The following MYO1E variants were observed in gnomAD, a reference collection of about 807,000 sequenced individuals.
The protein encoded by MYO1E is myosin IE.
Under a neutral mutation model 151.1 loss-of-function variants are expected in MYO1E, and 68 were observed. The observed-to-expected ratio is 0.45, with a 90% confidence interval of 0.37 to 0.55. The LOEUF is 0.55. Ranked by LOEUF, MYO1E falls within the 20% of genes least tolerant of loss-of-function variation. The pLI is 0.00. For missense variants in MYO1E, 1,363 were observed against 1,389.3 expected (o/e 0.98, Z 0.30); for synonymous variants, 601 against 501.7 (o/e 1.20, Z -2.64).
rs554737586 is a variant in MYO1E, at chr15:59,224,639, A to T, written c.777+50T>A. ...CTTCACTGCCCTTTTGGCCACAGGA[A>T]ATGGCCAGTTGGGAGAGCAGATCCT... On this transcript the variant is annotated intron_variant, in intron 8 of 27. Coordinates refer to ENST00000288235, the MANE Select transcript of MYO1E (RefSeq NM_004998.4). 6 of 1,612,718 alleles carry T rather than the reference A, an allele frequency of 3.7e-6. No individual in the cohort carries two copies. In the East Asian group the frequency reaches 1.3e-4, roughly 36 times the overall value.
chr15:59,252,801 G>A (rs558009629), intron 4 of MYO1E, among the ~76,000 whole-genome samples: 31 of 152,176 alleles, frequency 2.0e-4, no homozygotes, highest in African/African-American at 7.5e-4. Context: ...CAGGAGAATC[G>A]CTTGAACCCA....
intron 4 of MYO1E, among the ~76,000 whole-genome samples, chr15:59,250,268 G>A (rs1363089683): frequency 6.6e-6 from 1 of 152,130 alleles, no homozygotes; most frequent in Non-Finnish European, 1.5e-5. Flanking sequence ...TCGCAATTCT[G>A]ACCTCCAACT....
intron 1 of MYO1E, among the ~76,000 whole-genome samples, chr15:59,295,466 G>GT (rs1463116737): frequency 6.6e-6 from 1 of 152,182 alleles, no homozygotes; most frequent in Admixed American, 6.5e-5. Context: ...AGGCAAGGCT[G>GT]AGTACTTGGC....
chr15:59,300,848 CT>C lies in MYO1E; in HGVS notation c.4-28400del, dbSNP rs1367486123. Among the ~76,000 whole-genome samples, 25 of 146,538 alleles carry C rather than the reference CT, an allele frequency of 1.7e-4. No individual in the cohort carries two copies. The East Asian group carries it at 4.0e-3, about 23-fold the overall frequency. ...AGGAGGGAGCTTATTGTATATCTTT[CT>C]TTTTTTCCTTTTTTTTCTTTTTTTT... On this transcript the variant is annotated intron_variant, in intron 1 of 27. Coordinates refer to ENST00000288235, the MANE Select transcript of MYO1E (RefSeq NM_004998.4).
rs554830168 is a variant in MYO1E at position 59,300,330 on chromosome 15, G to A, written c.4-27881C>T. 5.9e-3 allele frequency among the ~76,000 whole-genome samples: 890 copies of A among 151,572 alleles called. 3 individuals are homozygous for A. The highest frequency in any genetic ancestry group is 0.01 in the Non-Finnish European group (702 of 67,898). On this transcript the variant is annotated intron_variant, in intron 1 of 27. Coordinates refer to ENST00000288235, the MANE Select transcript of MYO1E (RefSeq NM_004998.4). ...CACACACACAGACACACACACACAC[G>A]CACGGTCATTTCTGGTGCACACAGG...
In MYO1E at chr15:59,239,238, TTA is replaced by T. The variant is rs202129498; in HGVS notation, c.333-2568_333-2567del. ...TATATATATATATTTTTTTTATTTT[TTA>T]AAATTTGTGTATTTCAGATTTTTTA... is the stretch of plus-strand genomic sequence containing the variant. On this transcript the variant is annotated intron_variant, in intron 4 of 27. Transcript: ENST00000288235. 3.4e-3 allele frequency among the ~76,000 whole-genome samples: 500 copies of T among 148,192 alleles called. 1 individual carries two copies. Among genetic ancestry groups the T allele is most frequent in the East Asian group, 0.02 (102 of 5,098 alleles).
chr15:59,353,369 A>AAAAAGAAAAGAAAAG (rs143319934), intron 1 of MYO1E, among the ~76,000 whole-genome samples: 50 of 96,880 alleles, frequency 5.2e-4, no homozygotes, highest in African/African-American at 1.2e-3. Flanking sequence ...AAAAAAAAAA[A>AAAAAGAAAAGAAAAG]AAAAGAAAAG....
chr15:59,236,621 G>GTA lies in MYO1E; in HGVS notation c.382_383dup (p.Ile129ThrfsTer15). 6.2e-7 allele frequency: 1 copy of GTA among 1,614,006 alleles called. No homozygotes were observed. Among genetic ancestry groups the GTA allele is most frequent in the Non-Finnish European group, 8.5e-7 (1 of 1,179,946 alleles). On this transcript the variant is annotated frameshift_variant, in exon 5 of 28. Coordinates refer to ENST00000288235, the MANE Select transcript of MYO1E (RefSeq NM_004998.4). LOFTEE classifies it high-confidence loss of function. ...TCCCTCCTCCAGACACTCTGGAGAT[G>GTA]TAGCTCATGATATATTTGGCAGCCA...
At position 59,135,160 on chromosome 15, in the gene MYO1E, C is replaced by G. The variant is rs746243378; in HGVS notation, c.*2220G>C. On this transcript the variant is annotated 3_prime_UTR_variant, in exon 28 of 28. Transcript: ENST00000288235. Reference sequence around the variant, plus strand: ...GGCATCTCCTTGAGCCTGGCACTGGCTGGGCACACGATGCAGGTGCTAAGG... The same window carrying G: ...GGCATCTCCTTGAGCCTGGCACTGGGTGGGCACACGATGCAGGTGCTAAGG... 6.6e-5 allele frequency: 10 copies of G among 152,254 alleles called. No homozygotes were observed. The highest frequency in any genetic ancestry group is 1.3e-4 in the Non-Finnish European group (9 of 68,084). 9.4% of individuals were successfully genotyped at this position (152,254 alleles called of 1,614,324 possible). A position where few individuals can be genotyped will look rare whatever the true frequency, so the allele number is the denominator to read the frequency against.
chr15:59,208,376 T>A, intron 14 of MYO1E: 1 of 559,112 alleles, frequency 1.8e-6, no homozygotes, highest in Admixed American at 3.3e-5. Context: ...GTATTTATTG[T>A]GTTCTAGAAA....
Position 59,163,210 on chromosome 15 carries a change from T to C in MYO1E, c.2574A>G (p.Ala858=), listed in dbSNP as rs1345311847. 7 of 1,614,056 alleles carry C rather than the reference T, an allele frequency of 4.3e-6. No individual in the cohort carries two copies. The African/African-American group carries it at 5.3e-5, about 12-fold the overall frequency. ...TCTGGGTCTTCTCCTCGTAACGCTTTGCTAAGAGGCTTAGGAATTCAGTTT... is the reference window on the plus strand; with the variant it reads ...TCTGGGTCTTCTCCTCGTAACGCTTCGCTAAGAGGCTTAGGAATTCAGTTT... ...VFKTEFLSLL[A]KRYEEKTQKQ... The change falls in exon 23 of 28, where the codon GCA becomes GCG. Residue 858 remains alanine, a synonymous_variant. Transcript: ENST00000288235.
intron 26 of MYO1E, among the ~76,000 whole-genome samples, chr15:59,139,072 C>T (rs538968629): frequency 6.6e-6 from 1 of 152,170 alleles, no homozygotes; most frequent in South Asian, 2.1e-4. Flanking sequence ...CCAGTTTTCA[C>T]TATTATAAAA....
chr15:59,255,012 G>GA (rs2080185992), intron 4 of MYO1E, among the ~76,000 whole-genome samples: 1 of 152,072 alleles, frequency 6.6e-6, no homozygotes, highest in Non-Finnish European at 1.5e-5. Flanking sequence ...TTTTAGTAGA[G>GA]ACAGGGTTTC....
At chr15:59,280,350 C>T (rs543039774) in intron 1 of MYO1E, among the ~76,000 whole-genome samples, 12 of 152,220 alleles carry the variant, frequency 7.9e-5, no homozygotes, top group South Asian at 4.1e-4. Context: ...ATCAACTGGA[C>T]GCAGCAGCTC....
Position 59,137,294 on chromosome 15 carries a change from T to C in MYO1E, c.*86A>G, listed in dbSNP as rs1366085540. 2 of 1,210,806 alleles carry C rather than the reference T, an allele frequency of 1.7e-6. No individual in the cohort carries two copies. Among genetic ancestry groups the C allele is most frequent in the Non-Finnish European group, 2.5e-6 (2 of 815,704 alleles). 75.0% of individuals were successfully genotyped at this position (1,210,806 alleles called of 1,614,324 possible). ...GCCTTGGAGAAGCAATTGCTCATTG[T>C]GGATTGTAAGGGGAGCCCCTAAATA... On this transcript the variant is annotated 3_prime_UTR_variant, in exon 28 of 28. Coordinates refer to ENST00000288235, the MANE Select transcript of MYO1E (RefSeq NM_004998.4).
chr15:59,170,589 A>G (rs2079587243), intron 22 of MYO1E, among the ~76,000 whole-genome samples: 1 of 151,716 alleles, frequency 6.6e-6, no homozygotes, highest in Non-Finnish European at 1.5e-5. Context: ...TAGAGCTTTA[A>G]AAAAAAAACA....
intron 1 of MYO1E, among the ~76,000 whole-genome samples, chr15:59,344,649 C>T (rs1227798127): frequency 2.6e-5 from 4 of 152,204 alleles, no homozygotes; most frequent in Non-Finnish European, 5.9e-5. Context: ...GGTCTGGAGT[C>T]AGAAATGTTA....
intron 21 of MYO1E, 99 bp downstream of exon 21, chr15:59,173,647 A>G: frequency 4.7e-6 from 7 of 1,475,722 alleles, no homozygotes; most frequent in Non-Finnish European, 6.6e-6. Flanking sequence ...TTCTACAACG[A>G]ACACATTCTG....
chr15:59,177,195 T>C, intron 19 of MYO1E, among the ~76,000 whole-genome samples: 1 of 152,194 alleles, frequency 6.6e-6, no homozygotes, highest in East Asian at 1.9e-4. Flanking sequence ...TATTTGGAAA[T>C]GAAAATTCTT....
Sources: gnomAD v4.1 joint callset for allele counts (sites outside exome capture counted in the v4.1 genomes callset) on GRCh38, gnomAD v4.1.1 for gene constraint, MANE v1.5 for transcripts, NCBI Gene and HGNC (gene_info 2026-07-23, HGNC 2026-07-21) for gene names.